The following NCAM1 variants were observed in gnomAD, a reference collection of about 807,000 sequenced individuals.
The protein encoded by NCAM1 is neural cell adhesion molecule 1, also known as antigen recognized by monoclonal antibody 5.1H11.
A neutral mutation model predicts 109.8 loss-of-function variants in NCAM1; 14 were observed. The observed-to-expected ratio is 0.13, with a 90% CI of 0.08 to 0.20. The LOEUF (loss-of-function observed/expected upper bound fraction) is 0.20. Ranked by LOEUF, NCAM1 falls within the 10% of genes least tolerant of loss-of-function variation. The pLI is 1.00. For synonymous variants in NCAM1, 418 were observed against 442.9 expected (o/e 0.94, Z 0.70); for missense variants, 774 against 1,109.9 (o/e 0.70, Z 4.30).
chr11:113,042,571 T>C (rs887804384), intron 1 of NCAM1, among the ~76,000 whole-genome samples: 1 of 152,140 alleles, frequency 6.6e-6, no homozygotes, highest in African/African-American at 2.4e-5. Flanking sequence ...CCCTAACTCT[T>C]CTCTCTCATC....
chr11:113,272,109 G>GA (rs1395844448), intron 19 of NCAM1, among the ~76,000 whole-genome samples: 3 of 151,644 alleles, frequency 2.0e-5, no homozygotes, highest in Admixed American at 6.5e-5. Flanking sequence ...TATAAGTAGG[G>GA]ATCCCTGGAT....
chr11:113,115,299 T>C (rs1940651363), intron 1 of NCAM1, among the ~76,000 whole-genome samples: 1 of 152,158 alleles, frequency 6.6e-6, no homozygotes, highest in Non-Finnish European at 1.5e-5. Flanking sequence ...TATGATAATA[T>C]TACTAATGGA....
Position 113,235,808 on chromosome 11 carries a change from C to T in NCAM1, c.1825+644C>T, listed in dbSNP as rs989925577. Among the ~76,000 whole-genome samples the T allele has an allele frequency of 7.9e-5, 12 of 152,150 alleles. 1 individual carries two copies. Among genetic ancestry groups the T allele is most frequent in the African/African-American group, 2.9e-4 (12 of 41,428 alleles). On this transcript the variant is annotated intron_variant, in intron 14 of 19. Transcript: ENST00000316851. ...GGATGTATCTCTAGGTTTTCCTCGG[C>T]CATTCCCTCTTTCTTTTAACTACGC...
At position 113,069,787 on chromosome 11, in the gene NCAM1, G is replaced by C. The variant is rs114332755; in HGVS notation, c.52+108123G>C. On this transcript the variant is annotated intron_variant, in intron 1 of 19. Transcript: ENST00000316851. ...ACAGTCTATTGCTGGCATTATTTTG[G>C]TAGACGGGAGGGAGAAAGGACATCG... Among the ~76,000 whole-genome samples the C allele has an allele frequency of 1.0e-3, 155 of 152,294 alleles. 1 individual carries two copies. Among genetic ancestry groups the C allele is most frequent in the Middle Eastern group, 3.4e-3 (1 of 294 alleles).
At chr11:113,045,648 A>G (rs1953242517) in intron 1 of NCAM1, among the ~76,000 whole-genome samples, 1 of 152,186 alleles carries the variant, frequency 6.6e-6, no homozygotes, top group African/African-American at 2.4e-5. Context: ...CTGATACGAT[A>G]ATATATCGCA....
At chr11:113,240,832 TAGTG>T (rs2137367907) in intron 14 of NCAM1, 60 of 1,613,020 alleles carry the variant, frequency 3.7e-5, no homozygotes, top group Non-Finnish European at 5.1e-5. Context: ...CTCCACCAGA[TAGTG>T]AGTATCATTT....
intron 1 of NCAM1, among the ~76,000 whole-genome samples, chr11:113,124,791 G>A (rs568050315): frequency 6.6e-6 from 1 of 152,264 alleles, no homozygotes; most frequent in Non-Finnish European, 1.5e-5. Flanking sequence ...TATAAGACAC[G>A]TTTACTGACA....
At chr11:113,156,190 T>C (rs527351764) in intron 1 of NCAM1, among the ~76,000 whole-genome samples, 1 of 152,260 alleles carries the variant, frequency 6.6e-6, no homozygotes, top group African/African-American at 2.4e-5. Flanking sequence ...AAAAGATGAC[T>C]AAAATGTTGA....
intron 8 of NCAM1, among the ~76,000 whole-genome samples, chr11:113,217,746 T>G (rs574347938): frequency 6.6e-6 from 1 of 152,340 alleles, no homozygotes; most frequent in East Asian, 1.9e-4. Flanking sequence ...TTGCAGAATT[T>G]TATATTTATT....
intron 1 of NCAM1, among the ~76,000 whole-genome samples, chr11:112,993,172 C>T (rs532575437): frequency 6.6e-6 from 1 of 152,320 alleles, no homozygotes. Context: ...TTAATTGGCT[C>T]ATGGTTCTGC....
chr11:113,223,317 G>A (rs145343584), intron 9 of NCAM1, among the ~76,000 whole-genome samples: 175 of 152,250 alleles, frequency 1.1e-3, no homozygotes, highest in Admixed American at 3.1e-3. Flanking sequence ...TGGGCATCTG[G>A]CAGATAATTC....
At chr11:112,992,835 T>G (rs1373189574) in intron 1 of NCAM1, among the ~76,000 whole-genome samples, 1 of 152,182 alleles carries the variant, frequency 6.6e-6, no homozygotes, top group Non-Finnish European at 1.5e-5. Context: ...TTATCTCTTC[T>G]AGAAAATATT....
intron 1 of NCAM1, among the ~76,000 whole-genome samples, chr11:113,046,911 A>T (rs1555080958): frequency 6.7e-6 from 1 of 149,134 alleles, no homozygotes; most frequent in Non-Finnish European, 1.5e-5. Flanking sequence ...AGGAAGAAAG[A>T]TGATAGATAG....
intron 1 of NCAM1, among the ~76,000 whole-genome samples, chr11:113,067,125 C>T (rs1287088023): frequency 2.0e-5 from 3 of 152,024 alleles, no homozygotes; most frequent in African/African-American, 7.2e-5. Flanking sequence ...CACCACACTA[C>T]AGGAGAGGCT....
intron 14 of NCAM1, among the ~76,000 whole-genome samples, chr11:113,243,959 G>A (rs920330144): frequency 6.6e-6 from 1 of 152,120 alleles, no homozygotes. Context: ...TGTGTGTGCT[G>A]CGATGAATTT....
intron 1 of NCAM1, among the ~76,000 whole-genome samples, chr11:112,964,032 G>GT (rs201733167): frequency 4.3e-4 from 65 of 150,074 alleles, no homozygotes; most frequent in Admixed American, 7.3e-4. Flanking sequence ...TTGTACCATA[G>GT]TTTTTTTTTA....
At chr11:113,046,903 GAAGAAAGA>G (rs1555080951) in intron 1 of NCAM1, among the ~76,000 whole-genome samples, 1 of 87,362 alleles carries the variant, frequency 1.1e-5, no homozygotes, top group Admixed American at 1.2e-4. Context: ...AGGAAGAAAG[GAAGAAAGA>G]TGATAGATAG....
At chr11:113,058,979 G>T (rs1157919733) in intron 1 of NCAM1, among the ~76,000 whole-genome samples, 1 of 152,136 alleles carries the variant, frequency 6.6e-6, no homozygotes, top group African/African-American at 2.4e-5. Flanking sequence ...CTGAAGCCTT[G>T]GTTCTCCATG....
intron 14 of NCAM1, among the ~76,000 whole-genome samples, chr11:113,244,196 G>A (rs1426404385): frequency 6.6e-6 from 1 of 152,126 alleles, no homozygotes; most frequent in Non-Finnish European, 1.5e-5. Flanking sequence ...TAATGTATTT[G>A]TACAACTGTG....
Sources: gnomAD v4.1 joint callset for allele counts (sites outside exome capture counted in the v4.1 genomes callset) on GRCh38, gnomAD v4.1.1 for gene constraint, MANE v1.5 for transcripts, NCBI Gene and HGNC (gene_info 2026-07-23, HGNC 2026-07-21) for gene names.